Variants in ASTN2 observed in about 807,000 individuals in gnomAD.
The protein encoded by ASTN2 is astrotactin 2.
A neutral mutation model predicts 139.8 loss-of-function variants in ASTN2; 54 were observed. That is an observed-to-expected ratio of 0.39 (90% confidence interval 0.31 to 0.48). The LOEUF (loss-of-function observed/expected upper bound fraction) is 0.48, where lower values mean the gene tolerates loss of function less well. ASTN2 is among the 20% of genes least tolerant of loss of function. The pLI, the probability that ASTN2 is intolerant of heterozygous loss-of-function variation, is 0.95. For synonymous variants in ASTN2, 756 were observed against 719.5 expected (o/e 1.05, Z -0.81); for missense variants, 1,565 against 1,725.1 (o/e 0.91, Z 1.64).
chr9:116,667,596 A>G (rs1858944027), intron 16 of ASTN2, among the ~76,000 whole-genome samples: 1 of 152,222 alleles, frequency 6.6e-6, no homozygotes, highest in Non-Finnish European at 1.5e-5. Context: ...TTAATAAAAC[A>G]TTGAGAAAAG....
At chr9:116,939,504 G>GT (rs1835168820) in intron 10 of ASTN2, among the ~76,000 whole-genome samples, 1 of 151,916 alleles carries the variant, frequency 6.6e-6, no homozygotes, top group Non-Finnish European at 1.5e-5. Context: ...CCCATCCTTC[G>GT]TGTCTACCAA....
chr9:116,869,897 A>T (rs1472814114), intron 10 of ASTN2, among the ~76,000 whole-genome samples: 1 of 151,958 alleles, frequency 6.6e-6, no homozygotes, highest in East Asian at 1.9e-4. Flanking sequence ...TGAGCCCAGG[A>T]GTTCAAGACC....
chr9:116,425,738 C>T lies in ASTN2; in HGVS notation c.*113G>A. The T allele has an allele frequency of 1.2e-6, 2 of 1,605,366 alleles. No individual in the cohort carries two copies. The highest frequency in any genetic ancestry group is 3.4e-5 in the Admixed American group (2 of 58,994). On this transcript the variant is annotated 3_prime_UTR_variant, in exon 23 of 23. Transcript: ENST00000313400. ...CTTTGGCCTTGCTGGCAAGCTTCAT[C>T]TGCTAGGCCCATCCTCAGCTGTCCC...
intron 1 of ASTN2, among the ~76,000 whole-genome samples, chr9:117,388,129 G>A (rs894441484): frequency 5.3e-5 from 8 of 152,208 alleles, no homozygotes; most frequent in African/African-American, 1.9e-4. Flanking sequence ...TCCATTTGAA[G>A]AAAGGCTTTG....
intron 2 of ASTN2, among the ~76,000 whole-genome samples, chr9:117,244,510 C>G (rs182563622): frequency 1.4e-5 from 2 of 146,120 alleles, no homozygotes; most frequent in East Asian, 4.1e-4. Context: ...TCCACATGGT[C>G]TTATCTTAGA....
chr9:116,484,639 A>G (rs1849281280), intron 20 of ASTN2, among the ~76,000 whole-genome samples: 1 of 152,208 alleles, frequency 6.6e-6, no homozygotes, highest in African/African-American at 2.4e-5. Context: ...TCCTGGTCAG[A>G]GCGGCCCGGA....
At chr9:116,905,040 C>T (rs1189840052) in intron 10 of ASTN2, among the ~76,000 whole-genome samples, 1 of 152,082 alleles carries the variant, frequency 6.6e-6, no homozygotes, top group African/African-American at 2.4e-5. Flanking sequence ...CCTTCTGAAA[C>T]CCTCTCCACT....
At chr9:116,829,846 C>T (rs117776107) in intron 11 of ASTN2, among the ~76,000 whole-genome samples, 2,581 of 152,266 alleles carry the variant, frequency 0.017, 27 homozygotes, top group East Asian at 0.034. Flanking sequence ...AAGAATGAAA[C>T]TGGACTCATA....
intron 3 of ASTN2, among the ~76,000 whole-genome samples, chr9:117,211,267 A>C (rs1832117070): frequency 6.6e-6 from 1 of 152,226 alleles, no homozygotes; most frequent in African/African-American, 2.4e-5. Context: ...AAACCTAAAG[A>C]GTCTACCTAA....
rs142590723 is a variant in ASTN2 at position 116,808,750 on chromosome 9, G to T, written c.2208-2930C>A. 8.2e-4 allele frequency among the ~76,000 whole-genome samples: 125 copies of T among 152,242 alleles called. 2 individuals are homozygous for T. In the East Asian group the frequency reaches 0.02, roughly 24 times the overall value. On this transcript the variant is annotated intron_variant, in intron 12 of 22. Transcript: ENST00000313400. The stretch of plus-strand genomic sequence containing the variant: ...ATTTTGATAGATCTACTAAATAGTT[G>T]CCTGTAGAATCTCTACCCGTTTACA...
intron 10 of ASTN2, among the ~76,000 whole-genome samples, chr9:116,884,780 T>G (rs1423854230): frequency 6.7e-6 from 1 of 149,566 alleles, no homozygotes; most frequent in Non-Finnish European, 1.5e-5. Context: ...TCTCCCTGTG[T>G]GCATGTCAAT....
chr9:116,625,084 G>T (rs947761014), intron 17 of ASTN2, among the ~76,000 whole-genome samples: 1 of 152,112 alleles, frequency 6.6e-6, no homozygotes, highest in Non-Finnish European at 1.5e-5. Flanking sequence ...TGTCAGTTTG[G>T]TGCTTCTAGC....
At chr9:116,464,966 C>T (rs1329313876) in intron 20 of ASTN2, among the ~76,000 whole-genome samples, 2 of 152,318 alleles carry the variant, frequency 1.3e-5, no homozygotes, top group Non-Finnish European at 2.9e-5. Context: ...TATGAAGAGG[C>T]TCAGAGCAGG....
chr9:116,633,895 T>C (rs1419600351), intron 17 of ASTN2, among the ~76,000 whole-genome samples: 1 of 152,190 alleles, frequency 6.6e-6, no homozygotes, highest in Non-Finnish European at 1.5e-5. Flanking sequence ...TTGGAAGTGG[T>C]AGATTCTTAT....
intron 13 of ASTN2, among the ~76,000 whole-genome samples, chr9:116,768,924 G>T (rs1314467668): frequency 6.6e-6 from 1 of 152,154 alleles, no homozygotes; most frequent in Admixed American, 6.6e-5. Context: ...CTATGCTCTG[G>T]TGACTACTAA....
intron 19 of ASTN2, among the ~76,000 whole-genome samples, chr9:116,494,753 A>G (rs1456204474): frequency 6.6e-6 from 1 of 152,206 alleles, no homozygotes; most frequent in Admixed American, 6.5e-5. Flanking sequence ...TTTCATCTGT[A>G]AATAACTTTC....
chr9:116,465,878 A>G (rs1053805240), intron 20 of ASTN2, among the ~76,000 whole-genome samples: 1 of 152,192 alleles, frequency 6.6e-6, no homozygotes, highest in African/African-American at 2.4e-5. Context: ...TTTAGGAGAA[A>G]ATAAAGAGCT....
At chr9:117,372,041 G>T (rs1314643041) in intron 1 of ASTN2, among the ~76,000 whole-genome samples, 1 of 152,116 alleles carries the variant, frequency 6.6e-6, no homozygotes, top group Non-Finnish European at 1.5e-5. Flanking sequence ...ACTGAGTAGG[G>T]TTTGCAGGGA....
intron 16 of ASTN2, among the ~76,000 whole-genome samples, chr9:116,686,484 G>A (rs921937702): frequency 4.6e-5 from 7 of 152,200 alleles, no homozygotes; most frequent in Non-Finnish European, 7.3e-5. Context: ...CTCCTAAGCT[G>A]TACAGTATAG....
Sources: allele counts gnomAD v4.1 joint callset (sites outside exome capture counted in the v4.1 genomes callset), GRCh38; gene constraint gnomAD v4.1.1; transcripts MANE v1.5; gene names NCBI Gene and HGNC (gene_info 2026-07-23, HGNC 2026-07-21).